ADK: variants seen among roughly 807,000 people sequenced by gnomAD.
ADK encodes adenosine kinase.
A neutral mutation model predicts 44.7 loss-of-function variants in ADK; 24 were observed. That is an observed-to-expected ratio of 0.54 (90% CI 0.39 to 0.76). The LOEUF (loss-of-function observed/expected upper bound fraction) is 0.76, where lower values mean the gene tolerates loss of function less well. Among genes scored for constraint, ADK ranks in the 30% least tolerant of loss-of-function variants. ADK has a pLI of 0.00. For missense variants in ADK, 321 were observed against 425.1 expected (o/e 0.76, Z 2.15); for synonymous variants, 128 against 142.6 (o/e 0.90, Z 0.73).
At chr10:74,674,847 A>G (rs779226133) in intron 10 of ADK, among the ~76,000 whole-genome samples, 8 of 151,998 alleles carry the variant, frequency 5.3e-5, no homozygotes, top group Admixed American at 1.3e-4. Context: ...TTGCTACTGC[A>G]CTCCAGCCTG....
chr10:74,600,440 G>A lies in ADK; in HGVS notation c.824G>A (p.Arg275Lys), dbSNP rs1226027777. Residue 275 changes from arginine to lysine, a missense_variant, in exon 9 of 11, where the codon AGG becomes AAG. Arg to Lys is a conservative substitution (Grantham distance 26, BLOSUM62 2). Coordinates refer to ENST00000539909, the MANE Select transcript of ADK (RefSeq NM_006721.4). Reference sequence around the variant, plus strand: ...GCCCTGCCAAAGATGAACTCAAAGAGGCAGCGAATCGTGATCTTCACCCAA... The same window carrying A: ...GCCCTGCCAAAGATGAACTCAAAGAAGCAGCGAATCGTGATCTTCACCCAA... ...TQALPKMNSK[R>K]QRIVIFTQGR... 13 of 1,611,528 alleles carry A rather than the reference G, an allele frequency of 8.1e-6. No individual in the cohort carries two copies. Among genetic ancestry groups the A allele is most frequent in the Non-Finnish European group, 9.3e-6 (11 of 1,178,676 alleles).
intron 7 of ADK, among the ~76,000 whole-genome samples, chr10:74,565,263 A>G (rs1319230619): frequency 3.9e-5 from 6 of 152,212 alleles, no homozygotes; most frequent in Non-Finnish European, 5.9e-5. Flanking sequence ...CACTCCTGAA[A>G]CATTACTACT....
chr10:74,690,942 A>G (rs1855969862), intron 10 of ADK, among the ~76,000 whole-genome samples: 1 of 152,244 alleles, frequency 6.6e-6, no homozygotes, highest in South Asian at 2.1e-4. Flanking sequence ...TATAATAAAA[A>G]TGTAGTATAG....
chr10:74,229,975 G>C (rs1042740548), intron 3 of ADK, among the ~76,000 whole-genome samples: 3 of 151,976 alleles, frequency 2.0e-5, no homozygotes, highest in African/African-American at 7.3e-5. Context: ...GGAGGTCCAG[G>C]CTGCAGTGAG....
At chr10:74,289,998 C>CAAGTGATGGGAAACCAAACT (rs1847343423) in intron 3 of ADK, among the ~76,000 whole-genome samples, 2 of 151,768 alleles carry the variant, frequency 1.3e-5, no homozygotes, top group South Asian at 4.2e-4. Flanking sequence ...TTCTTTGTTA[C>CAAGTGATGGGAAACCAAACT]AAGTGATGGG....
chr10:74,546,174 AT>A (rs1159164809), intron 7 of ADK, among the ~76,000 whole-genome samples: 1 of 152,202 alleles, frequency 6.6e-6, no homozygotes, highest in Non-Finnish European at 1.5e-5. Context: ...ACTAGCAGAA[AT>A]TTTGCGTGAT....
chr10:74,264,070 A>G (rs764657181), intron 3 of ADK, among the ~76,000 whole-genome samples: 3 of 152,256 alleles, frequency 2.0e-5, no homozygotes, highest in Non-Finnish European at 4.4e-5. Flanking sequence ...CACTAGCAAC[A>G]TTTAAAGTGT....
At chr10:74,573,712 G>C (rs563464575) in intron 7 of ADK, among the ~76,000 whole-genome samples, 1 of 152,140 alleles carries the variant, frequency 6.6e-6, no homozygotes, top group African/African-American at 2.4e-5. Context: ...CGGCAATGGC[G>C]GGCGCCCCTC....
At chr10:74,338,291 G>T (rs1841476833) in intron 4 of ADK, among the ~76,000 whole-genome samples, 1 of 152,176 alleles carries the variant, frequency 6.6e-6, no homozygotes. Flanking sequence ...TGAGAATACA[G>T]AATGAATGGA....
intron 9 of ADK, among the ~76,000 whole-genome samples, chr10:74,660,470 G>T (rs1284190306): frequency 6.6e-6 from 1 of 152,138 alleles, no homozygotes; most frequent in Non-Finnish European, 1.5e-5. Flanking sequence ...TGGCACAGTG[G>T]CTCATGCCTG....
chr10:74,300,260 T>C, intron 3 of ADK, among the ~76,000 whole-genome samples: 1 of 42,720 alleles, frequency 2.3e-5, no homozygotes, highest in African/African-American at 7.6e-5. Context: ...CTCTCCTTGT[T>C]TCCTTCCTTC....
intron 3 of ADK, among the ~76,000 whole-genome samples, chr10:74,226,196 T>C (rs1170516975): frequency 2.0e-5 from 3 of 151,982 alleles, no homozygotes; most frequent in African/African-American, 7.2e-5. Context: ...CAACCTCTGC[T>C]TCCTGGGTTC....
At position 74,599,476 on chromosome 10, in the gene ADK, C is replaced by A. The variant is rs76858153; in HGVS notation, c.763-903C>A. 2.1e-3 allele frequency among the ~76,000 whole-genome samples: 313 copies of A among 152,252 alleles called. 1 individual carries two copies. The highest frequency in any genetic ancestry group is 6.8e-3 in the Admixed American group (104 of 15,298). On this transcript the variant is annotated intron_variant, in intron 8 of 10. Transcript: ENST00000539909. ...TATGCCACTCAGCTATATTTCCGCTCTGATAGGTGTTTCTTTCTCTATAAC... is the reference window on the plus strand; with the variant it reads ...TATGCCACTCAGCTATATTTCCGCTATGATAGGTGTTTCTTTCTCTATAAC...
At chr10:74,696,476 C>T (rs889048404) in intron 10 of ADK, among the ~76,000 whole-genome samples, 1 of 151,926 alleles carries the variant, frequency 6.6e-6, no homozygotes, top group African/African-American at 2.4e-5. Flanking sequence ...TGCCATTCTC[C>T]TGCCTCAGCC....
chr10:74,655,470 G>T (rs144336857), intron 9 of ADK: 4 of 465,566 alleles, frequency 8.6e-6, no homozygotes, highest in East Asian at 1.2e-4. Flanking sequence ...AATGACACTC[G>T]CAACATGCCT....
chr10:74,419,390 A>G (rs2133012239), intron 6 of ADK, among the ~76,000 whole-genome samples: 1 of 152,284 alleles, frequency 6.6e-6, no homozygotes, highest in Middle Eastern at 3.4e-3. Flanking sequence ...GAAAAGCATC[A>G]ATCGGTCTTT....
chr10:74,312,871 A>T, intron 3 of ADK, among the ~76,000 whole-genome samples: 1 of 123,222 alleles, frequency 8.1e-6, no homozygotes, highest in Admixed American at 1.1e-4. Flanking sequence ...CTATGTTTGC[A>T]CCACTGCACT....
At chr10:74,417,938 G>A (rs887586131) in intron 6 of ADK, among the ~76,000 whole-genome samples, 3 of 151,782 alleles carry the variant, frequency 2.0e-5, no homozygotes, top group Non-Finnish European at 4.4e-5. Flanking sequence ...CTTAGTGTTG[G>A]GTGTTCATGT....
chr10:74,468,887 T>A (rs370392498), intron 6 of ADK, among the ~76,000 whole-genome samples: 4 of 152,150 alleles, frequency 2.6e-5, no homozygotes, highest in African/African-American at 4.8e-5. Context: ...TATTAAAATA[T>A]CATCTCAGTA....
Sources: allele counts gnomAD v4.1 joint callset (sites outside exome capture counted in the v4.1 genomes callset), GRCh38; gene constraint gnomAD v4.1.1; transcripts MANE v1.5; gene names NCBI Gene and HGNC (gene_info 2026-07-23, HGNC 2026-07-21).